EIF4E3: variants seen among roughly 807,000 people sequenced by gnomAD.
The protein encoded by EIF4E3 is eukaryotic translation initiation factor 4E type 3.
EIF4E3 carries 26 observed loss-of-function variants against 31.7 expected under a neutral mutation model. That is an observed-to-expected ratio of 0.82 (90% CI 0.60 to 1.14). The LOEUF (loss-of-function observed/expected upper bound fraction) is 1.14. Ranked by LOEUF, EIF4E3 falls within the 50% of genes most tolerant of loss-of-function variation. The probability of loss-of-function intolerance (pLI) is 0.00; values close to 1 mark genes in which losing one functional copy is unlikely to be tolerated. For missense variants in EIF4E3, 304 were observed against 270.9 expected, an observed-to-expected ratio of 1.12 and a Z score of -0.86; for synonymous variants, 128 against 107.7, an observed-to-expected ratio of 1.19 and a Z score of -1.17.
chr3:71,733,097 A>C (rs1438327070), intron 1 of EIF4E3, among the ~76,000 whole-genome samples: 1 of 152,236 alleles, frequency 6.6e-6, no homozygotes, highest in Admixed American at 6.5e-5. Flanking sequence ...ATCTAGAGAC[A>C]GGTGGAGTGA....
Position 71,689,994 on chromosome 3 carries a change from G to A in EIF4E3, c.628+16C>T. The A allele has an allele frequency of 1.3e-6, 2 of 1,587,474 alleles. No homozygotes were observed. The highest frequency in any genetic ancestry group is 1.1e-5 in the South Asian group (1 of 87,146). On this transcript the variant is annotated intron_variant, in intron 6 of 6. Transcript: ENST00000425534. Reference sequence around the variant, plus strand: ...AGAGTAAGCTAGAAAGTAATAACTGGAAATGAAGCACTTACGTTTATAAAA... The same window carrying A: ...AGAGTAAGCTAGAAAGTAATAACTGAAAATGAAGCACTTACGTTTATAAAA...
intron 2 of EIF4E3, among the ~76,000 whole-genome samples, chr3:71,700,333 C>T (rs1011562733): frequency 6.6e-6 from 1 of 152,164 alleles, no homozygotes. Flanking sequence ...AATGATTTTT[C>T]TGGCAGCTAG....
At chr3:71,704,309 C>T (rs1032666902) in intron 2 of EIF4E3, among the ~76,000 whole-genome samples, 33 of 152,224 alleles carry the variant, frequency 2.2e-4, no homozygotes, top group African/African-American at 7.9e-4. Context: ...GGGAGAGAGC[C>T]CCACCCAAAG....
chr3:71,708,023 A>T (rs1375268827), intron 2 of EIF4E3, among the ~76,000 whole-genome samples: 1 of 151,824 alleles, frequency 6.6e-6, no homozygotes, highest in Non-Finnish European at 1.5e-5. Context: ...GTAAGTGCCC[A>T]CCACCACTCC....
Position 71,684,672 on chromosome 3 carries a change from C to T in EIF4E3, c.*10G>A. The T allele has an allele frequency of 6.2e-7, 1 of 1,613,500 alleles. No homozygotes were observed. The highest frequency in any genetic ancestry group is 1.7e-5 in the Admixed American group (1 of 59,974). On this transcript the variant is annotated 3_prime_UTR_variant, in exon 7 of 7. Transcript: ENST00000425534. ...TCAGCAAAGGACAAAGAATTCTTTACAGAGTGCAATTAGTGTTTTCCACGT... is the reference window on the plus strand; with the variant it reads ...TCAGCAAAGGACAAAGAATTCTTTATAGAGTGCAATTAGTGTTTTCCACGT...
intron 1 of EIF4E3, among the ~76,000 whole-genome samples, chr3:71,741,215 CAT>C (rs1323739655): frequency 2.0e-5 from 3 of 152,028 alleles, no homozygotes; most frequent in Non-Finnish European, 2.9e-5. Context: ...CACACACACA[CAT>C]CCTGGAATCC....
downstream of EIF4E3, among the ~76,000 whole-genome samples, chr3:71,673,041 A>G (rs925117284): frequency 1.3e-5 from 2 of 152,162 alleles, no homozygotes; most frequent in Non-Finnish European, 2.9e-5. Context: ...GGAATGAATA[A>G]TCGGAAGGGG....
At chr3:71,726,458 G>A (rs2049640418), upstream of EIF4E3, among the ~76,000 whole-genome samples, 4 of 152,214 alleles carry the variant, frequency 2.6e-5, no homozygotes, top group South Asian at 6.2e-4. Context: ...TGAGGCCTGT[G>A]AACACACATG....
chr3:71,725,103 G>T lies in EIF4E3; in HGVS notation c.176+89C>A. 1 of 936,880 alleles carries T rather than the reference G, an allele frequency of 1.1e-6. No homozygotes were observed. Among genetic ancestry groups the T allele is most frequent in the Non-Finnish European group, 1.3e-6 (1 of 781,296 alleles). 58.0% of individuals were successfully genotyped at this position (936,880 alleles called of 1,614,324 possible). ...GAGGTCTGTGCCACAGCGGAGCGGG[G>T]CCGGGGCGAGGGGCCGCGCCGAGAC... On this transcript the variant is annotated intron_variant, in intron 1 of 6. Transcript: ENST00000425534. The surrounding 1 kb of genome is among the most constrained non-coding windows in gnomAD (Gnocchi z 6.1).
At chr3:71,744,446 T>A (rs1271586674) in intron 1 of EIF4E3, among the ~76,000 whole-genome samples, 1 of 152,088 alleles carries the variant, frequency 6.6e-6, no homozygotes, top group African/African-American at 2.4e-5. Context: ...ACGTAAAAAA[T>A]CTTAAAATAT....
At chr3:71,672,563 C>A (rs776785238), downstream of EIF4E3, among the ~76,000 whole-genome samples, 36 of 151,980 alleles carry the variant, frequency 2.4e-4, no homozygotes, top group Middle Eastern at 0.02. Flanking sequence ...GACTTTCAGG[C>A]CTTGGGGAGT....
intron 5 of EIF4E3, among the ~76,000 whole-genome samples, chr3:71,691,717 A>G (rs1052690180): frequency 6.6e-6 from 1 of 152,260 alleles, no homozygotes; most frequent in East Asian, 1.9e-4. Flanking sequence ...TTTAAACAAA[A>G]GAGTCAAAAA....
chr3:71,692,268 AG>A (rs1319787168), intron 5 of EIF4E3, among the ~76,000 whole-genome samples: 1 of 152,242 alleles, frequency 6.6e-6, no homozygotes, highest in East Asian at 1.9e-4. Flanking sequence ...AGTGAGGCCC[AG>A]AGAGATTAGC....
intron 1 of EIF4E3, among the ~76,000 whole-genome samples, chr3:71,751,433 C>A (rs566741347): frequency 1.5e-4 from 23 of 152,304 alleles, no homozygotes; most frequent in Non-Finnish European, 2.6e-4. Context: ...GCTTGGCATA[C>A]GGCAAGTGCT....
rs1417405464 is a variant in EIF4E3, at chr3:71,681,452, C to T, written c.*3230G>A. Reference sequence around the variant, plus strand: ...AGGAAGGTTATTTTCAAACTCCAAACCCCAGCACCACTTCTGTCTCTGAGA... The same window carrying T: ...AGGAAGGTTATTTTCAAACTCCAAATCCCAGCACCACTTCTGTCTCTGAGA... On this transcript the variant is annotated 3_prime_UTR_variant, in exon 7 of 7. Transcript: ENST00000425534. The T allele has an allele frequency of 6.6e-6, 1 of 152,364 alleles. No homozygotes were observed. Among genetic ancestry groups the T allele is most frequent in the East Asian group, 1.9e-4 (1 of 5,188 alleles). 9.4% of individuals were successfully genotyped at this position (152,364 alleles called of 1,614,324 possible).
Position 71,684,660 on chromosome 3 carries a change from A to C in EIF4E3, c.*22T>G. The C allele has an allele frequency of 6.2e-7, 1 of 1,613,946 alleles. No individual in the cohort carries two copies. Among genetic ancestry groups the C allele is most frequent in the Non-Finnish European group, 8.5e-7 (1 of 1,179,894 alleles). Reference sequence around the variant, plus strand: ...TTCCAAAACCAATCAGCAAAGGACAAAGAATTCTTTACAGAGTGCAATTAG... The same window carrying C: ...TTCCAAAACCAATCAGCAAAGGACACAGAATTCTTTACAGAGTGCAATTAG... On this transcript the variant is annotated 3_prime_UTR_variant, in exon 7 of 7. Coordinates refer to ENST00000425534, the MANE Select transcript of EIF4E3 (RefSeq NM_001134651.2).
rs2048899454 is a variant in EIF4E3 at position 71,679,536 on chromosome 3, A to C, written c.*5146T>G. 6.6e-6 allele frequency: 1 copy of C among 152,184 alleles called. No individual in the cohort carries two copies. Among genetic ancestry groups the C allele is most frequent in the South Asian group, 2.1e-4 (1 of 4,832 alleles). The allele number at this position is 152,184 out of a possible 1,614,324, so 9.4% of individuals were successfully genotyped here. ...GGACACAAAAGCATAGAATATCCAA[A>C]AGCTATTGTATTGGATATTCTAATA... On this transcript the variant is annotated 3_prime_UTR_variant, in exon 7 of 7. Transcript: ENST00000425534.
downstream of EIF4E3, among the ~76,000 whole-genome samples, chr3:71,670,697 A>G (rs2048843022): frequency 6.6e-6 from 1 of 152,192 alleles, no homozygotes; most frequent in Non-Finnish European, 1.5e-5. Context: ...ACGTATCTCA[A>G]AAACAGGCCC....
chr3:71,754,415 G>A (rs1176993569), upstream of EIF4E3: 15 of 1,351,556 alleles, frequency 1.1e-5, no homozygotes, highest in African/African-American at 1.5e-5. The surrounding 1 kb of genome is among the most constrained non-coding windows in gnomAD (Gnocchi z 5.8). Flanking sequence ...CCCGCTACCT[G>A]GCCATCGCGC....
Sources: gnomAD v4.1 joint callset for allele counts (sites outside exome capture counted in the v4.1 genomes callset) on GRCh38, gnomAD v4.1.1 for gene constraint, Gnocchi (gnomAD v3.1) non-coding constraint, MANE v1.5 for transcripts, NCBI Gene and HGNC (gene_info 2026-07-23, HGNC 2026-07-21) for gene names.